Variants in KCNIP4 observed in about 807,000 individuals in gnomAD.
KCNIP4 encodes the protein Kv channel-interacting protein 4.
In KCNIP4, 12 loss-of-function variants were observed where a neutral mutation model predicts 34.0. That is an observed-to-expected ratio of 0.35 (90% CI 0.23 to 0.57). The LOEUF (loss-of-function observed/expected upper bound fraction) is 0.57. KCNIP4 is among the 20% of genes least tolerant of loss of function. The pLI, the probability that KCNIP4 is intolerant of heterozygous loss-of-function variation, is 0.83. For missense variants in KCNIP4, 238 were observed against 311.7 expected, an observed-to-expected ratio of 0.76 and a Z score of 1.78; for synonymous variants, 124 against 102.2, an observed-to-expected ratio of 1.21 and a Z score of -1.29.
At chr4:21,687,510 G>A (rs1178134326) in intron 1 of KCNIP4, among the ~76,000 whole-genome samples, 1 of 152,040 alleles carries the variant, frequency 6.6e-6, no homozygotes, top group African/African-American at 2.4e-5. Flanking sequence ...ACTGGATTAC[G>A]ATAATAAACA....
intron 1 of KCNIP4, among the ~76,000 whole-genome samples, chr4:21,261,695 C>G (rs1216109893): frequency 6.6e-6 from 1 of 152,158 alleles, no homozygotes; most frequent in Non-Finnish European, 1.5e-5. Flanking sequence ...CTCCCTCATA[C>G]ACCTAATCTA....
intron 1 of KCNIP4, among the ~76,000 whole-genome samples, chr4:21,433,446 A>T (rs1726674147): frequency 6.6e-6 from 1 of 152,124 alleles, no homozygotes; most frequent in African/African-American, 2.4e-5. Context: ...CTATTAAAAA[A>T]CAAACAAAGA....
At chr4:21,946,488 TA>T (rs1220603687) in intron 1 of KCNIP4, among the ~76,000 whole-genome samples, 2 of 152,306 alleles carry the variant, frequency 1.3e-5, no homozygotes, top group South Asian at 4.1e-4. Context: ...TTTAAGCCTT[TA>T]AAAATCATCC....
intron 1 of KCNIP4, among the ~76,000 whole-genome samples, chr4:21,355,938 A>T (rs887293323): frequency 6.6e-6 from 1 of 152,204 alleles, no homozygotes; most frequent in African/African-American, 2.4e-5. Context: ...GCAGCACATC[A>T]AAAAGCTTAT....
intron 1 of KCNIP4, among the ~76,000 whole-genome samples, chr4:21,910,794 G>T (rs1728262342): frequency 6.6e-6 from 1 of 152,254 alleles, no homozygotes; most frequent in South Asian, 2.1e-4. Context: ...GATTAAAAAA[G>T]TCACACGAAC....
At chr4:21,104,047 A>T (rs1380271507) in intron 1 of KCNIP4, among the ~76,000 whole-genome samples, 1 of 77,556 alleles carries the variant, frequency 1.3e-5, no homozygotes, top group Non-Finnish European at 2.5e-5. Flanking sequence ...ATAAACATAC[A>T]TGTCCTTGTC....
chr4:20,972,500 AC>A (rs1268452231), intron 1 of KCNIP4, among the ~76,000 whole-genome samples: 2 of 152,130 alleles, frequency 1.3e-5, no homozygotes, highest in Admixed American at 6.6e-5. Flanking sequence ...GTCACTGAGA[AC>A]TAATATTTTG....
intron 1 of KCNIP4, among the ~76,000 whole-genome samples, chr4:21,010,077 C>T (rs887288829): frequency 2.0e-5 from 3 of 152,204 alleles, no homozygotes; most frequent in Non-Finnish European, 2.9e-5. Flanking sequence ...CCAAAGGACT[C>T]TTCTTCAAAT....
Position 21,388,629 on chromosome 4 carries a change from C to T in KCNIP4, c.62-505920G>A, listed in dbSNP as rs148534596. Among the ~76,000 whole-genome samples the T allele has an allele frequency of 3.6e-3, 548 of 152,178 alleles. 1 individual carries two copies. Among genetic ancestry groups the T allele is most frequent in the African/African-American group, 0.012 (514 of 41,542 alleles). On this transcript the variant is annotated intron_variant, in intron 1 of 8. Transcript: ENST00000382152. ...CAATTAATTTTAGAAGATCTTTGCC[C>T]TCCAAAACATCCTTCTATCCTTTTA... is the stretch of plus-strand genomic sequence containing the variant.
intron 1 of KCNIP4, among the ~76,000 whole-genome samples, chr4:21,370,140 C>G (rs1845695): frequency 2.0e-5 from 3 of 147,512 alleles, no homozygotes; most frequent in Admixed American, 1.3e-4. Context: ...CCAAGTTATT[C>G]TTAATGTGGA....
intron 1 of KCNIP4, among the ~76,000 whole-genome samples, chr4:21,009,383 A>G (rs1738868687): frequency 6.6e-6 from 1 of 152,234 alleles, no homozygotes; most frequent in African/African-American, 2.4e-5. Flanking sequence ...CGAAATAATT[A>G]TGAAATTGAA....
chr4:21,613,880 C>A (rs554258802), intron 1 of KCNIP4, among the ~76,000 whole-genome samples: 108 of 152,094 alleles, frequency 7.1e-4, no homozygotes, highest in Admixed American at 1.7e-3. Context: ...TGCAATGGTC[C>A]ATGCCTGTAA....
At chr4:21,332,438 T>G (rs1715752006) in intron 1 of KCNIP4, among the ~76,000 whole-genome samples, 1 of 151,982 alleles carries the variant, frequency 6.6e-6, no homozygotes, top group Non-Finnish European at 1.5e-5. Flanking sequence ...ATGGGACCAG[T>G]TATGTCCCAT....
chr4:21,174,418 A>C (rs1754244627), intron 1 of KCNIP4, among the ~76,000 whole-genome samples: 1 of 152,176 alleles, frequency 6.6e-6, no homozygotes. Context: ...ATGCAAAATG[A>C]GAATAATTAT....
At chr4:21,483,245 A>G (rs1577438849) in intron 1 of KCNIP4, among the ~76,000 whole-genome samples, 2 of 151,740 alleles carry the variant, frequency 1.3e-5, no homozygotes, top group East Asian at 1.9e-4. Flanking sequence ...ATATATATAT[A>G]AAGAAATAAA....
chr4:21,051,439 T>C (rs1245427961), intron 1 of KCNIP4, among the ~76,000 whole-genome samples: 1 of 152,212 alleles, frequency 6.6e-6, no homozygotes, highest in Non-Finnish European at 1.5e-5. Context: ...CAGTAATTAA[T>C]TTTCCCTTAA....
intron 1 of KCNIP4, among the ~76,000 whole-genome samples, chr4:21,921,416 C>G (rs1249012188): frequency 1.3e-5 from 2 of 152,144 alleles, no homozygotes; most frequent in Non-Finnish European, 2.9e-5. Context: ...TTACAAGGCT[C>G]AAACATTAGT....
At chr4:21,348,166 G>A (rs1314746770) in intron 1 of KCNIP4, among the ~76,000 whole-genome samples, 3 of 152,114 alleles carry the variant, frequency 2.0e-5, no homozygotes, top group Non-Finnish European at 4.4e-5. Flanking sequence ...CTGGTATATC[G>A]ATTTTTTTCC....
At chr4:20,872,629 A>G (rs558671814) in intron 2 of KCNIP4, among the ~76,000 whole-genome samples, 31 of 152,292 alleles carry the variant, frequency 2.0e-4, no homozygotes, top group East Asian at 1.2e-3. Flanking sequence ...AATGGAAAAT[A>G]GGTTGTATAG....
Sources: allele counts gnomAD v4.1 joint callset (sites outside exome capture counted in the v4.1 genomes callset), GRCh38; gene constraint gnomAD v4.1.1; transcripts MANE v1.5; gene names NCBI Gene and HGNC (gene_info 2026-07-23, HGNC 2026-07-21).